MARCO: variants seen among roughly 807,000 people sequenced by gnomAD.
MARCO encodes macrophage receptor with collagenous structure, also known as macrophage receptor MARCO.
Under a neutral mutation model 70.0 loss-of-function variants are expected in MARCO, and 72 were observed. The observed-to-expected ratio is 1.03, with a 90% CI of 0.85 to 1.25. The LOEUF (loss-of-function observed/expected upper bound fraction) is 1.25, where lower values mean the gene tolerates loss of function less well. MARCO is among the 50% of genes most tolerant of loss of function. The pLI, the probability that MARCO is intolerant of heterozygous loss-of-function variation, is 0.00. For synonymous variants in MARCO, 273 were observed against 243.1 expected (o/e 1.12, Z -1.14); for missense variants, 696 against 659.3 (o/e 1.06, Z -0.61).
chr2:118,977,570 G>A, intron 7 of MARCO, 55 bp downstream of exon 7: 1 of 1,529,674 alleles, frequency 6.5e-7, no homozygotes, highest in South Asian at 1.1e-5. Context: ...AGGCACTGAG[G>A]CAGTTCCCCC....
chr2:118,943,066 G>A (rs1322955468), intron 1 of MARCO, among the ~76,000 whole-genome samples: 1 of 152,170 alleles, frequency 6.6e-6, no homozygotes, highest in Admixed American at 6.5e-5. Flanking sequence ...AATGAGCTCT[G>A]ATTTCCTAGT....
chr2:118,947,503 T>A (rs1471177874), intron 1 of MARCO, among the ~76,000 whole-genome samples: 1 of 152,206 alleles, frequency 6.6e-6, no homozygotes, highest in African/African-American at 2.4e-5. Context: ...GATTCTCGTA[T>A]AACGTATAAT....
In MARCO at chr2:118,977,469, A is replaced by C; in HGVS notation, c.614-2A>C. On this transcript the variant is annotated splice_acceptor_variant, in intron 6 of 16. Transcript: ENST00000327097. LOFTEE classifies it high-confidence loss of function. ...ACTGAGCTCTTTTTTCCTTCCTCAC[A>C]GGCCTCCAAGGACCCCAGGGTGCTC... The C allele has an allele frequency of 6.2e-7, 1 of 1,613,560 alleles. No homozygotes were observed. The highest frequency in any genetic ancestry group is 8.5e-7 in the Non-Finnish European group (1 of 1,179,544).
intron 6 of MARCO, among the ~76,000 whole-genome samples, 166 bp from the exon 7 acceptor site, chr2:118,977,305 C>T (rs1203593598): frequency 5.3e-5 from 8 of 150,628 alleles, no homozygotes; most frequent in Non-Finnish European, 8.8e-5. Flanking sequence ...TGTGTGTGTG[C>T]ATGTGTGTGA....
chr2:118,967,568 C>T lies in MARCO; in HGVS notation c.98-1592C>T, dbSNP rs542235766. Among the ~76,000 whole-genome samples the T allele has an allele frequency of 6.6e-5, 10 of 152,184 alleles. No homozygotes were observed. The East Asian group carries it at 1.9e-3, about 30-fold the overall frequency. ...GGTAGGGTGCAGAGGAGACGGGGCA[C>T]TCCATGCTAAACTGAGTATAATCGA... is the stretch of plus-strand genomic sequence containing the variant. On this transcript the variant is annotated intron_variant, in intron 1 of 16. Coordinates refer to ENST00000327097, the MANE Select transcript of MARCO (RefSeq NM_006770.4).
chr2:118,978,741 A>G (rs749289298), intron 8 of MARCO, among the ~76,000 whole-genome samples: 3 of 152,250 alleles, frequency 2.0e-5, no homozygotes, highest in Non-Finnish European at 4.4e-5. Context: ...CAAGACAGTA[A>G]TAAGGGTTAG....
At chr2:118,974,211 C>G (rs796225042) in intron 4 of MARCO, 122 bp from the exon 5 acceptor site, 4 of 696,258 alleles carry the variant, frequency 5.7e-6, no homozygotes, top group African/African-American at 3.5e-5. Context: ...TCTTTCCACA[C>G]AGTTGGCTCA....
At chr2:118,980,550 T>A (rs755460874) in intron 8 of MARCO, among the ~76,000 whole-genome samples, 4 of 152,244 alleles carry the variant, frequency 2.6e-5, no homozygotes, top group Admixed American at 6.5e-5. Context: ...AATCATAGAT[T>A]GGAGCAATAA....
At chr2:118,954,124 T>C (rs1228504896) in intron 1 of MARCO, among the ~76,000 whole-genome samples, 1 of 152,164 alleles carries the variant, frequency 6.6e-6, no homozygotes, top group Non-Finnish European at 1.5e-5. Context: ...CAGGAGAAGA[T>C]CTAAAGCCCT....
At chr2:118,952,530 A>T (rs994111906) in intron 1 of MARCO, 4 of 152,236 alleles carry the variant, frequency 2.6e-5, no homozygotes, top group Non-Finnish European at 5.9e-5. Flanking sequence ...GTTATCTGTG[A>T]TCATTCACGC....
rs550300956 is a variant in MARCO at position 118,958,600 on chromosome 2, C to T, written c.98-10560C>T. Among the ~76,000 whole-genome samples the T allele has an allele frequency of 4.2e-4, 64 of 152,168 alleles. No homozygotes were observed. In the South Asian group the frequency reaches 0.012, roughly 28 times the overall value. ...TACTGCCAAAAGCAATCTACAAATTCGATGCAATCCCCATCAAAATACCAC... is the reference window on the plus strand; with the variant it reads ...TACTGCCAAAAGCAATCTACAAATTTGATGCAATCCCCATCAAAATACCAC... On this transcript the variant is annotated intron_variant, in intron 1 of 16. Coordinates refer to ENST00000327097, the MANE Select transcript of MARCO (RefSeq NM_006770.4).
Position 118,977,487 on chromosome 2 carries a change from G to A in MARCO, c.630G>A (p.Gln210=). 1 of 1,613,966 alleles carries A rather than the reference G, an allele frequency of 6.2e-7. No individual in the cohort carries two copies. The highest frequency in any genetic ancestry group is 1.7e-5 in the Admixed American group (1 of 60,008). The change falls in exon 7 of 17, where the codon CAG becomes CAA. Residue 210 remains glutamine (Q), a synonymous_variant. Coordinates refer to ENST00000327097, the MANE Select transcript of MARCO (RefSeq NM_006770.4). ...TCCTCACAGGCCTCCAAGGACCCCA[G>A]GGTGCTCCAGGGAAGCAAGGAGCCA... ...VKGEAGLQGP[Q]GAPGKQGATG...
At chr2:118,976,790 T>C (rs554753469) in intron 6 of MARCO, among the ~76,000 whole-genome samples, 1 of 152,332 alleles carries the variant, frequency 6.6e-6, no homozygotes, top group South Asian at 2.1e-4. Context: ...CACACTTGCC[T>C]GACTCTAAAG....
chr2:118,966,177 G>A (rs545441591), intron 1 of MARCO, among the ~76,000 whole-genome samples: 7 of 152,176 alleles, frequency 4.6e-5, no homozygotes, highest in Non-Finnish European at 1.0e-4. Context: ...ATCTTTTACA[G>A]ACTTGAAAAA....
intron 12 of MARCO, among the ~76,000 whole-genome samples, chr2:118,984,782 G>A (rs1343885433): frequency 6.6e-6 from 1 of 152,226 alleles, no homozygotes; most frequent in Non-Finnish European, 1.5e-5. Context: ...CCATCATGGA[G>A]CACAGTGTAT....
intron 1 of MARCO, among the ~76,000 whole-genome samples, chr2:118,952,101 A>G (rs556732065): frequency 2.7e-5 from 4 of 150,880 alleles, no homozygotes; most frequent in Non-Finnish European, 5.9e-5. Context: ...CCCCTTTCTT[A>G]CCTCTTTCAG....
intron 1 of MARCO, among the ~76,000 whole-genome samples, chr2:118,953,544 G>A (rs1334865582): frequency 6.6e-6 from 1 of 152,148 alleles, no homozygotes; most frequent in African/African-American, 2.4e-5. Flanking sequence ...TTTTCTGGAG[G>A]TGGGGGGAAC....
chr2:118,948,118 A>G (rs941291930), intron 1 of MARCO, among the ~76,000 whole-genome samples: 4 of 152,218 alleles, frequency 2.6e-5, no homozygotes, highest in Admixed American at 6.5e-5. Context: ...GAAATAGATA[A>G]TTGGTGCCAG....
At chr2:118,991,705 C>A in intron 13 of MARCO, 72 bp from the exon 14 acceptor site, 3 of 818,208 alleles carry the variant, frequency 3.7e-6, no homozygotes, top group South Asian at 3.6e-5. Flanking sequence ...ATTTATTAAA[C>A]AGTAATGCCC....
Sources: gnomAD v4.1 joint callset for allele counts (sites outside exome capture counted in the v4.1 genomes callset) on GRCh38, gnomAD v4.1.1 for gene constraint, MANE v1.5 for transcripts, NCBI Gene and HGNC (gene_info 2026-07-23, HGNC 2026-07-21) for gene names.